The following FGF12 variants were observed in gnomAD, a reference collection of about 807,000 sequenced individuals.
FGF12 encodes fibroblast growth factor 12, also known as fibroblast growth factor 12B.
FGF12 carries 14 observed loss-of-function variants against 23.6 expected under a neutral mutation model. The observed-to-expected ratio is 0.59, with a 90% CI of 0.39 to 0.93. FGF12 has a LOEUF of 0.93. Ranked by LOEUF, FGF12 falls within the 40% of genes least tolerant of loss-of-function variation. FGF12 has a pLI of 0.00. For missense variants in FGF12, 175 were observed against 217.8 expected, an observed-to-expected ratio of 0.80 and a Z score of 1.24; for synonymous variants, 62 against 77.3, an observed-to-expected ratio of 0.80 and a Z score of 1.04.
intron 4 of FGF12, among the ~76,000 whole-genome samples, chr3:192,259,467 TA>T (rs1712605764): frequency 6.6e-6 from 1 of 152,102 alleles, no homozygotes; most frequent in African/African-American, 2.4e-5. Flanking sequence ...TTATGTTATT[TA>T]AAAACTCCAG....
chr3:192,277,515 T>C (rs541189492), intron 4 of FGF12, among the ~76,000 whole-genome samples: 9 of 152,280 alleles, frequency 5.9e-5, no homozygotes, highest in African/African-American at 2.2e-4. Flanking sequence ...TCAATCTCTA[T>C]AGGGTATTCA....
At chr3:192,333,847 G>T (rs911341972) in intron 4 of FGF12, among the ~76,000 whole-genome samples, 1 of 152,008 alleles carries the variant, frequency 6.6e-6, no homozygotes, top group Non-Finnish European at 1.5e-5. Flanking sequence ...CCCACCATGC[G>T]AAATGTGGTA....
At chr3:192,679,783 G>A (rs1717455366) in intron 2 of FGF12, among the ~76,000 whole-genome samples, 1 of 152,106 alleles carries the variant, frequency 6.6e-6, no homozygotes, top group African/African-American at 2.4e-5. Flanking sequence ...GCTGCTTTTT[G>A]TGGCTTCTCC....
At chr3:192,603,165 T>G (rs1714187719) in intron 2 of FGF12, among the ~76,000 whole-genome samples, 2 of 152,146 alleles carry the variant, frequency 1.3e-5, no homozygotes, top group African/African-American at 4.8e-5. Context: ...TTCAATATAG[T>G]GCTGGAAGTC....
chr3:192,443,381 A>C (rs1268021909), intron 2 of FGF12, among the ~76,000 whole-genome samples: 8 of 152,202 alleles, frequency 5.3e-5, no homozygotes. Context: ...TACAGATTTT[A>C]AATGTGGATA....
At chr3:192,296,190 G>T (rs891810097) in intron 4 of FGF12, among the ~76,000 whole-genome samples, 2 of 145,334 alleles carry the variant, frequency 1.4e-5, no homozygotes, top group Non-Finnish European at 3.0e-5. Context: ...ACAGGCGTAA[G>T]CCACCATGCC....
chr3:192,425,999 T>C (rs1200986925), intron 2 of FGF12, among the ~76,000 whole-genome samples: 1 of 152,232 alleles, frequency 6.6e-6, no homozygotes, highest in Admixed American at 6.5e-5. Flanking sequence ...TCATAGGTGT[T>C]ACACTTACTC....
In FGF12 at chr3:192,268,085, G is replaced by T. The variant is rs898781060; in HGVS notation, c.228+67276C>A. Among the ~76,000 whole-genome samples the T allele has an allele frequency of 1.2e-4, 19 of 152,274 alleles. No individual in the cohort carries two copies. The East Asian group carries it at 3.5e-3, about 28-fold the overall frequency. On this transcript the variant is annotated intron_variant, in intron 4 of 5. Coordinates refer to ENST00000445105, the MANE Select transcript of FGF12 (RefSeq NM_004113.6). ...AAACATGAATACACAACCCAGCACA[G>T]TACTATGAAATCTCAGAAGTTCTTC... is the stretch of plus-strand genomic sequence containing the variant.
Position 192,360,612 on chromosome 3 carries a change from C to A in FGF12, c.14-74G>T. On this transcript the variant is annotated intron_variant, in intron 2 of 5. Transcript: ENST00000445105. The surrounding 1 kb of genome is among the most constrained non-coding windows in gnomAD (Gnocchi z 4.3). ...CACACTTACAGATTGTTAAAAACAT[C>A]CTGTAAGTAAATACGTAAATGCCAA... 1 of 1,004,332 alleles carries A rather than the reference C, an allele frequency of 1.0e-6. No homozygotes were observed. The highest frequency in any genetic ancestry group is 1.6e-6 in the Non-Finnish European group (1 of 631,212). The allele number at this position is 1,004,332 out of a possible 1,614,324, so 62.2% of individuals were successfully genotyped here.
At chr3:192,559,655 A>C (rs113210998) in intron 2 of FGF12, among the ~76,000 whole-genome samples, 5,322 of 152,044 alleles carry the variant, frequency 0.035, 329 homozygotes, top group African/African-American at 0.12. Flanking sequence ...TAATAATAAA[A>C]CTAAAAAAAG....
At chr3:192,368,994 G>A (rs1182740358) in intron 2 of FGF12, among the ~76,000 whole-genome samples, 2 of 152,084 alleles carry the variant, frequency 1.3e-5, no homozygotes, top group Non-Finnish European at 2.9e-5. Context: ...ACACCCTGAG[G>A]CAAAATTAAT....
chr3:192,199,057 T>A (rs979164909), intron 4 of FGF12, among the ~76,000 whole-genome samples: 2 of 152,238 alleles, frequency 1.3e-5, no homozygotes, highest in African/African-American at 4.8e-5. Flanking sequence ...CAGCACCGTT[T>A]CAAGGAAGAT....
chr3:192,324,131 G>A (rs1342483440), intron 4 of FGF12, among the ~76,000 whole-genome samples: 1 of 151,706 alleles, frequency 6.6e-6, no homozygotes, highest in Non-Finnish European at 1.5e-5. Context: ...AATATCATAT[G>A]TACCCCATAA....
chr3:192,504,674 C>T (rs1035978783), intron 2 of FGF12, among the ~76,000 whole-genome samples: 9 of 152,154 alleles, frequency 5.9e-5, no homozygotes, highest in African/African-American at 1.9e-4. Context: ...GTCAGGACCT[C>T]GACCTGCCTC....
At chr3:192,451,429 C>T (rs978428862) in intron 2 of FGF12, among the ~76,000 whole-genome samples, 1 of 152,176 alleles carries the variant, frequency 6.6e-6, no homozygotes, top group East Asian at 1.9e-4. Flanking sequence ...TTGTAAAAGG[C>T]TTGCTATGGC....
intron 2 of FGF12, among the ~76,000 whole-genome samples, chr3:192,382,213 G>T (rs1473603581): frequency 1.3e-5 from 2 of 152,048 alleles, no homozygotes; most frequent in Non-Finnish European, 2.9e-5. Context: ...AGCCAGGATG[G>T]TCTCGATCTC....
At chr3:192,568,559 G>T (rs1050441468) in intron 2 of FGF12, among the ~76,000 whole-genome samples, 2 of 152,148 alleles carry the variant, frequency 1.3e-5, no homozygotes, top group Non-Finnish European at 2.9e-5. Context: ...GAACAGTAAG[G>T]CTTCAGAGAA....
chr3:192,619,430 A>G (rs1714886713), intron 2 of FGF12, among the ~76,000 whole-genome samples: 1 of 152,170 alleles, frequency 6.6e-6, no homozygotes, highest in South Asian at 2.1e-4. Context: ...AAGGCTGAAG[A>G]AGTACATCTG....
intron 2 of FGF12, among the ~76,000 whole-genome samples, chr3:192,627,848 GTGCA>G: frequency 6.7e-6 from 1 of 148,722 alleles, no homozygotes; most frequent in South Asian, 2.2e-4. Context: ...CTCTGTGTGT[GTGCA>G]TGTGTGTGTG....
Sources: gnomAD v4.1 joint callset for allele counts (sites outside exome capture counted in the v4.1 genomes callset) on GRCh38, gnomAD v4.1.1 for gene constraint, Gnocchi (gnomAD v3.1) non-coding constraint, MANE v1.5 for transcripts, NCBI Gene and HGNC (gene_info 2026-07-23, HGNC 2026-07-21) for gene names.